The following GRID2 variants were observed in gnomAD, a reference collection of about 807,000 sequenced individuals.
The protein encoded by GRID2 is glutamate ionotropic receptor delta type subunit 2.
A neutral mutation model predicts 114.8 loss-of-function variants in GRID2; 33 were observed. The observed-to-expected ratio is 0.29, with a 90% CI of 0.22 to 0.38. The LOEUF (loss-of-function observed/expected upper bound fraction) is 0.38, where lower values mean the gene tolerates loss of function less well. Ranked by LOEUF, GRID2 falls within the 10% of genes least tolerant of loss-of-function variation. The pLI, the probability that GRID2 is intolerant of heterozygous loss-of-function variation, is 1.00. For missense variants in GRID2, 1,184 were observed against 1,257.7 expected (o/e 0.94, Z 0.89); for synonymous variants, 505 against 449.9 (o/e 1.12, Z -1.55).
intron 2 of GRID2, among the ~76,000 whole-genome samples, chr4:92,924,181 C>T (rs1000131755): frequency 1.1e-4 from 17 of 152,126 alleles, no homozygotes; most frequent in African/African-American, 3.6e-4. Context: ...TTCTCACTCA[C>T]AGGTGGGAAT....
intron 7 of GRID2, among the ~76,000 whole-genome samples, chr4:93,227,775 A>T (rs1419072208): frequency 2.0e-5 from 3 of 152,196 alleles, no homozygotes; most frequent in African/African-American, 7.2e-5. Flanking sequence ...TATGGCCACA[A>T]TTCAGCCAGG....
At chr4:93,002,577 A>G (rs1721109523) in intron 2 of GRID2, among the ~76,000 whole-genome samples, 1 of 151,724 alleles carries the variant, frequency 6.6e-6, no homozygotes, top group South Asian at 2.1e-4. Flanking sequence ...TTTGGTCAAA[A>G]GAGAAAATAT....
chr4:92,732,200 C>T (rs998099203), intron 2 of GRID2, among the ~76,000 whole-genome samples: 7 of 151,722 alleles, frequency 4.6e-5, no homozygotes, highest in Non-Finnish European at 8.8e-5. Context: ...GAAAATGGAC[C>T]TAGAGAATTG....
intron 9 of GRID2, among the ~76,000 whole-genome samples, chr4:93,411,939 AT>A (rs1300174281): frequency 6.7e-6 from 1 of 150,186 alleles, no homozygotes; most frequent in Non-Finnish European, 1.5e-5. Context: ...GAATCTCTCT[AT>A]TAAAAAAAAA....
At chr4:92,924,659 T>A (rs759020271) in intron 2 of GRID2, among the ~76,000 whole-genome samples, 3 of 152,112 alleles carry the variant, frequency 2.0e-5, no homozygotes, top group Non-Finnish European at 2.9e-5. Context: ...ATTCACTGCA[T>A]CATAGCCTGG....
intron 2 of GRID2, among the ~76,000 whole-genome samples, chr4:92,800,963 C>G (rs1407974527): frequency 6.6e-6 from 1 of 151,802 alleles, no homozygotes; most frequent in Non-Finnish European, 1.5e-5. Context: ...TTTTTTCATC[C>G]GGAAACATAA....
chr4:93,296,934 A>C (rs949912855), intron 8 of GRID2, among the ~76,000 whole-genome samples: 1 of 152,162 alleles, frequency 6.6e-6, no homozygotes, highest in African/African-American at 2.4e-5. Flanking sequence ...TTCCCCCTAT[A>C]TTGTATTCCA....
At chr4:92,947,195 T>C (rs1415111339) in intron 2 of GRID2, among the ~76,000 whole-genome samples, 1 of 152,024 alleles carries the variant, frequency 6.6e-6, no homozygotes, top group Non-Finnish European at 1.5e-5. Flanking sequence ...AAGTTCTAAC[T>C]CTAATTTTTG....
chr4:93,167,240 A>G (rs1175539157), intron 4 of GRID2, among the ~76,000 whole-genome samples: 1 of 152,086 alleles, frequency 6.6e-6, no homozygotes, highest in Non-Finnish European at 1.5e-5. Flanking sequence ...TCAATGACAA[A>G]TTCATACTCT....
chr4:93,692,362 G>T (rs974289823), intron 14 of GRID2, among the ~76,000 whole-genome samples: 1 of 152,076 alleles, frequency 6.6e-6, no homozygotes, highest in Non-Finnish European at 1.5e-5. Context: ...ACTGAGGTGG[G>T]GACATGCCTG....
At chr4:93,184,526 A>C (rs1331915394) in intron 4 of GRID2, among the ~76,000 whole-genome samples, 2 of 151,628 alleles carry the variant, frequency 1.3e-5, no homozygotes, top group African/African-American at 4.9e-5. Flanking sequence ...AAAAAAAAAA[A>C]AAAACTCACA....
chr4:93,773,746 C>A lies in GRID2; in HGVS notation c.*1248C>A, dbSNP rs1734261993. On this transcript the variant is annotated 3_prime_UTR_variant, in exon 16 of 16. Transcript: ENST00000282020. ...TATTGATGTGGCCTTAAATTACTGTCATTTATTATCCTAAAGAAGAAAACA... is the reference window on the plus strand; with the variant it reads ...TATTGATGTGGCCTTAAATTACTGTAATTTATTATCCTAAAGAAGAAAACA... 6.6e-6 allele frequency: 1 copy of A among 152,040 alleles called. No homozygotes were observed. Among genetic ancestry groups the A allele is most frequent in the Non-Finnish European group, 1.5e-5 (1 of 67,946 alleles). The allele number at this position is 152,040 out of a possible 1,614,324, so 9.4% of individuals were successfully genotyped here. A position where few individuals can be genotyped will look rare whatever the true frequency, so the allele number is the denominator to read the frequency against.
At chr4:93,728,562 T>A in intron 14 of GRID2, among the ~76,000 whole-genome samples, 1 of 152,136 alleles carries the variant, frequency 6.6e-6, no homozygotes, top group Non-Finnish European at 1.5e-5. Context: ...TGTCTTGTTT[T>A]TCTGTCTAAT....
At chr4:92,873,888 A>G (rs1440588153) in intron 2 of GRID2, among the ~76,000 whole-genome samples, 1 of 151,978 alleles carries the variant, frequency 6.6e-6, no homozygotes, top group Non-Finnish European at 1.5e-5. Context: ...CTAATTTTGT[A>G]TTTGTAGTAG....
chr4:92,682,784 A>G (rs990492666), intron 2 of GRID2, among the ~76,000 whole-genome samples: 1 of 151,944 alleles, frequency 6.6e-6, no homozygotes, highest in Non-Finnish European at 1.5e-5. Flanking sequence ...GAAAACTTGG[A>G]AGGCACCTGG....
At chr4:93,198,930 A>C (rs1286208369) in intron 4 of GRID2, among the ~76,000 whole-genome samples, 1 of 152,182 alleles carries the variant, frequency 6.6e-6, no homozygotes, top group African/African-American at 2.4e-5. Flanking sequence ...TTAAGCGTTG[A>C]TCAAAATCCA....
At chr4:93,613,919 C>G (rs1014896554) in intron 13 of GRID2, among the ~76,000 whole-genome samples, 3 of 151,536 alleles carry the variant, frequency 2.0e-5, no homozygotes, top group Admixed American at 6.6e-5. Context: ...GCCTAGTTGC[C>G]GCCTTGCAGT....
intron 1 of GRID2, among the ~76,000 whole-genome samples, chr4:92,511,442 T>C (rs1165255055): frequency 6.6e-6 from 1 of 151,708 alleles, no homozygotes; most frequent in Admixed American, 6.6e-5. Context: ...GAGACAAACA[T>C]CCAAATCATA....
intron 13 of GRID2, among the ~76,000 whole-genome samples, chr4:93,528,388 T>G (rs992973495): frequency 2.0e-5 from 3 of 151,860 alleles, no homozygotes; most frequent in African/African-American, 7.3e-5. Flanking sequence ...CATTTTACCT[T>G]CACACAAATA....
Sources: allele counts gnomAD v4.1 joint callset (sites outside exome capture counted in the v4.1 genomes callset), GRCh38; gene constraint gnomAD v4.1.1; transcripts MANE v1.5; gene names NCBI Gene and HGNC (gene_info 2026-07-23, HGNC 2026-07-21).